The following PDK1 variants were observed in gnomAD, a reference collection of about 807,000 sequenced individuals.
PDK1 encodes the protein pyruvate dehydrogenase kinase 1, also known as [Pyruvate dehydrogenase (acetyl-transferring)] kinase isozyme 1, mitochondrial.
In PDK1, 39 loss-of-function variants were observed where a neutral mutation model predicts 54.2. The ratio of observed to expected loss-of-function variants is 0.72; its 90% confidence interval spans 0.56 to 0.94. The LOEUF (loss-of-function observed/expected upper bound fraction) is 0.94. Among genes scored for constraint, PDK1 ranks in the 40% least tolerant of loss-of-function variants. The pLI is 0.00. For synonymous variants in PDK1, 221 were observed against 207.1 expected, an observed-to-expected ratio of 1.07 and a Z score of -0.58; for missense variants, 552 against 566.0, an observed-to-expected ratio of 0.98 and a Z score of 0.25.
chr2:172,581,084 G>A (rs1453754514), intron 8 of PDK1, among the ~76,000 whole-genome samples: 1 of 152,058 alleles, frequency 6.6e-6, no homozygotes, highest in Non-Finnish European at 1.5e-5. Flanking sequence ...TTAATTATAT[G>A]GTATATAAAT....
At chr2:172,689,575 G>C in the PDK1 span, among the ~76,000 whole-genome samples, 13 of 152,084 alleles carry the variant, frequency 8.5e-5, no homozygotes, top group Non-Finnish European at 1.5e-4. Flanking sequence ...AAGCTGGAGG[G>C]ATCATGCTAC....
the PDK1 span, among the ~76,000 whole-genome samples, chr2:172,660,187 G>A: frequency 1.4e-5 from 2 of 141,506 alleles, no homozygotes; most frequent in African/African-American, 5.2e-5. Flanking sequence ...AAAGGGGATG[G>A]TTTGTAATTA....
chr2:172,593,355 C>T (rs1048070497), intron 10 of PDK1, among the ~76,000 whole-genome samples: 1 of 152,050 alleles, frequency 6.6e-6, no homozygotes, highest in South Asian at 2.1e-4. Flanking sequence ...ACATTGATAA[C>T]GCCAAACTTT....
the PDK1 span, among the ~76,000 whole-genome samples, chr2:172,679,571 T>C: frequency 6.6e-6 from 1 of 152,238 alleles, no homozygotes; most frequent in African/African-American, 2.4e-5. Flanking sequence ...AACATTTTTA[T>C]AGCCTAATGT....
At chr2:172,714,805 T>C in the PDK1 span, among the ~76,000 whole-genome samples, 1 of 152,148 alleles carries the variant, frequency 6.6e-6, no homozygotes, top group African/African-American at 2.4e-5. Flanking sequence ...ATGTATGGCT[T>C]ATAGAAGTTG....
At chr2:172,595,760 G>A in intron 10 of PDK1, 69 bp from the exon 11 acceptor site, 1 of 1,341,076 alleles carries the variant, frequency 7.5e-7, no homozygotes, top group Middle Eastern at 1.9e-4. Flanking sequence ...TTTTGCCATT[G>A]TCTATTTTCT....
chr2:172,635,238 A>G, the PDK1 span, among the ~76,000 whole-genome samples: 1 of 152,156 alleles, frequency 6.6e-6, no homozygotes, highest in Non-Finnish European at 1.5e-5. Flanking sequence ...CATTCCTATA[A>G]TCTTATTCTT....
At chr2:172,638,002 A>AT in the PDK1 span, among the ~76,000 whole-genome samples, 3 of 151,362 alleles carry the variant, frequency 2.0e-5, no homozygotes, top group Non-Finnish European at 3.0e-5. Context: ...GCCTGCATTT[A>AT]TTTTTTTTTA....
At chr2:172,563,900 CA>C (rs1688791803) in intron 3 of PDK1, among the ~76,000 whole-genome samples, 1 of 152,094 alleles carries the variant, frequency 6.6e-6, no homozygotes, top group Non-Finnish European at 1.5e-5. Context: ...TTCTAAGTGA[CA>C]GAGATGGGAA....
chr2:172,594,182 C>T lies in PDK1; in HGVS notation c.1170+1134C>T, dbSNP rs566158134. Among the ~76,000 whole-genome samples the T allele has an allele frequency of 5.9e-5, 9 of 151,956 alleles. No individual in the cohort carries two copies. In the East Asian group the frequency reaches 7.8e-4, roughly 13 times the overall value. ...CCTTCCGAATAGCTGGGATTACAGG[C>T]GCCTGACTAATTTTGTATTTTTAGT... On this transcript the variant is annotated intron_variant, in intron 10 of 10. Coordinates refer to ENST00000282077, the MANE Select transcript of PDK1 (RefSeq NM_002610.5).
Position 172,564,688 on chromosome 2 carries a change from G to C in PDK1, c.595+1G>C. 1 of 1,610,038 alleles carries C rather than the reference G, an allele frequency of 6.2e-7. No homozygotes were observed. The highest frequency in any genetic ancestry group is 8.5e-7 in the Non-Finnish European group (1 of 1,176,428). On this transcript the variant is annotated splice_donor_variant, in intron 4 of 10. Coordinates refer to ENST00000282077, the MANE Select transcript of PDK1 (RefSeq NM_002610.5). LOFTEE classifies it high-confidence loss of function. ...ATTAGAATGTTACTCAATCAGCACT[G>C]TAAGTGTCCCTCATGAGTCAAGAGA...
At position 172,596,118 on chromosome 2, in the gene PDK1, G is replaced by T. The variant is rs1019776472; in HGVS notation, c.*149G>T. The T allele has an allele frequency of 4.6e-6, 3 of 648,992 alleles. No homozygotes were observed. The highest frequency in any genetic ancestry group is 7.6e-6 in the Non-Finnish European group (3 of 393,334). The allele number at this position is 648,992 out of a possible 1,614,324, so 40.2% of individuals were successfully genotyped here. On this transcript the variant is annotated 3_prime_UTR_variant, in exon 11 of 11. Transcript: ENST00000282077. ...TAAATGGAAACTGAATTCCATTTGT[G>T]CCCGTTAAACCTCCTAAAGGATGAA...
At chr2:172,707,333 T>A in the PDK1 span, among the ~76,000 whole-genome samples, 1 of 152,136 alleles carries the variant, frequency 6.6e-6, no homozygotes, top group Non-Finnish European at 1.5e-5. Flanking sequence ...AAGTCTAGGC[T>A]CCCCAGCAGA....
chr2:172,645,714 A>G, the PDK1 span, among the ~76,000 whole-genome samples: 1 of 152,212 alleles, frequency 6.6e-6, no homozygotes, highest in African/African-American at 2.4e-5. Flanking sequence ...ATGTGTTGTC[A>G]TCATAGCCAT....
At chr2:172,595,264 C>A (rs995265183) in intron 10 of PDK1, among the ~76,000 whole-genome samples, 2 of 152,014 alleles carry the variant, frequency 1.3e-5, no homozygotes, top group Admixed American at 6.6e-5. Context: ...GAGACAGGAT[C>A]TTGCTATGTT....
the PDK1 span, among the ~76,000 whole-genome samples, chr2:172,627,144 G>A: frequency 6.6e-6 from 1 of 152,188 alleles, no homozygotes; most frequent in Non-Finnish European, 1.5e-5. Flanking sequence ...GATGCACACG[G>A]CTGAGAACAT....
the PDK1 span, among the ~76,000 whole-genome samples, chr2:172,707,112 C>T: frequency 6.6e-6 from 1 of 152,156 alleles, no homozygotes; most frequent in African/African-American, 2.4e-5. Context: ...TGATACCCCA[C>T]CAGCAGGGAA....
chr2:172,584,645 C>CTT lies in PDK1; in HGVS notation c.946-1612_946-1611dup, dbSNP rs35773197. Among the ~76,000 whole-genome samples, 50 of 90,320 alleles carry CTT rather than the reference C, an allele frequency of 5.5e-4. 1 individual carries two copies. The highest frequency in any genetic ancestry group is 7.2e-4 in the African/African-American group (16 of 22,312). 59.3% of individuals were successfully genotyped at this position (90,320 alleles called of 152,430 possible). ...GACATTGTTGTGTGAAAGGTACATG[C>CTT]TTTTTTTTTTTTTTTTTTTTTTAAA... is the stretch of plus-strand genomic sequence containing the variant. On this transcript the variant is annotated intron_variant, in intron 8 of 10. Transcript: ENST00000282077.
intron 9 of PDK1, among the ~76,000 whole-genome samples, chr2:172,590,975 T>C (rs1022296081): frequency 3.9e-5 from 6 of 152,142 alleles, no homozygotes; most frequent in Admixed American, 6.5e-5. Context: ...CGATGACCGC[T>C]GTAGCTACTT....
Sources: gnomAD v4.1 joint callset for allele counts (sites outside exome capture counted in the v4.1 genomes callset) on GRCh38, gnomAD v4.1.1 for gene constraint, MANE v1.5 for transcripts, NCBI Gene and HGNC (gene_info 2026-07-23, HGNC 2026-07-21) for gene names.